Variants in BAALC observed in about 807,000 individuals in gnomAD.
The protein encoded by BAALC is brain and acute leukemia cytoplasmic protein.
BAALC carries 9 observed loss-of-function variants against 15.5 expected under a neutral mutation model. That is an observed-to-expected ratio of 0.58 (90% CI 0.35 to 1.02). BAALC has a LOEUF of 1.02. Among genes scored for constraint, BAALC ranks in the 50% least tolerant of loss-of-function variants. The pLI, the probability that BAALC is intolerant of heterozygous loss-of-function variation, is 0.02. For synonymous variants in BAALC, 80 were observed against 74.6 expected, an observed-to-expected ratio of 1.07 and a Z score of -0.37; for missense variants, 201 against 192.4, an observed-to-expected ratio of 1.04 and a Z score of -0.27.
intron 2 of BAALC, among the ~76,000 whole-genome samples, chr8:103,221,084 C>T (rs1438713087): frequency 1.3e-5 from 2 of 152,192 alleles, no homozygotes; most frequent in Admixed American, 6.5e-5. Context: ...GCTGTCCCAA[C>T]CTCCACAGGA....
chr8:103,178,903 A>G (rs371439602), intron 1 of BAALC, among the ~76,000 whole-genome samples: 2 of 152,038 alleles, frequency 1.3e-5, no homozygotes, highest in South Asian at 2.1e-4. Context: ...AAATAAATAA[A>G]TGGCTCAGAA....
intron 1 of BAALC, among the ~76,000 whole-genome samples, chr8:103,194,695 C>T (rs1316728767): frequency 6.6e-6 from 1 of 152,148 alleles, no homozygotes; most frequent in East Asian, 1.9e-4. Context: ...GCTGGAAAGT[C>T]CAAGACCAAG....
rs139347432 is a variant in BAALC at position 103,189,341 on chromosome 8, A to T, written c.161-23578A>T. ...GAGATCAAACTGTGCGAGAATTTTC[A>T]AACATTATTGTATTTTTCATGCTTT... On this transcript the variant is annotated intron_variant, in intron 1 of 2. Transcript: ENST00000309982. Among the ~76,000 whole-genome samples, 146 of 152,372 alleles carry T rather than the reference A, an allele frequency of 9.6e-4. No homozygotes were observed. The East Asian group carries it at 0.01, about 11-fold the overall frequency.
At chr8:103,221,213 T>G (rs1030223404) in intron 2 of BAALC, among the ~76,000 whole-genome samples, 14 of 152,182 alleles carry the variant, frequency 9.2e-5, no homozygotes, top group Non-Finnish European at 2.1e-4. Flanking sequence ...CTACTTTTAA[T>G]TAAAGAGGCA....
chr8:103,224,765 T>G (rs181807454), intron 2 of BAALC, among the ~76,000 whole-genome samples: 31 of 152,356 alleles, frequency 2.0e-4, no homozygotes, highest in Admixed American at 1.9e-3. Flanking sequence ...CAGGGCCATT[T>G]CAAAATATGG....
At position 103,177,161 on chromosome 8, in the gene BAALC, G is replaced by A. The variant is rs575329991; in HGVS notation, c.161-35758G>A. On this transcript the variant is annotated intron_variant, in intron 1 of 2. Transcript: ENST00000309982. ...TCCTTTTCTCACTCTTCCTGTGTGC[G>A]GGTTTTTTGTTGTTGTTGTTGTTGT... Among the ~76,000 whole-genome samples the A allele has an allele frequency of 4.8e-5, 7 of 147,002 alleles. No individual in the cohort carries two copies. The South Asian group carries it at 8.7e-4, about 18-fold the overall frequency.
intron 1 of BAALC, among the ~76,000 whole-genome samples, chr8:103,149,619 C>T (rs181274551): frequency 1.4e-4 from 21 of 152,194 alleles, no homozygotes; most frequent in African/African-American, 4.8e-4. Context: ...GGAAAAATTC[C>T]TCAAACTGCT....
chr8:103,172,391 C>CTTTTTTTTTTTT (rs36037103), intron 1 of BAALC, among the ~76,000 whole-genome samples: 1 of 100,126 alleles, frequency 1.0e-5, no homozygotes, highest in African/African-American at 3.7e-5. Context: ...TTCTGGCTTG[C>CTTTTTTTTTTTT]TTTTTTTTTT....
intron 2 of BAALC, among the ~76,000 whole-genome samples, chr8:103,219,050 C>A (rs1461221766): frequency 6.6e-6 from 1 of 152,156 alleles, no homozygotes; most frequent in African/African-American, 2.4e-5. Flanking sequence ...CTGGGAAAAC[C>A]AGAGAGGGGA....
chr8:103,165,098 A>C (rs756817375), intron 1 of BAALC, among the ~76,000 whole-genome samples: 1 of 152,208 alleles, frequency 6.6e-6, no homozygotes, highest in African/African-American at 2.4e-5. Flanking sequence ...GCATAGCTGC[A>C]TAATTGTGTG....
chr8:103,185,730 A>C (rs1176849776), intron 1 of BAALC, among the ~76,000 whole-genome samples: 1 of 152,210 alleles, frequency 6.6e-6, no homozygotes, highest in Admixed American at 6.5e-5. Flanking sequence ...TTTCCTCCCC[A>C]AAATGGTACC....
At chr8:103,157,932 C>G (rs1811134108) in intron 1 of BAALC, among the ~76,000 whole-genome samples, 1 of 152,094 alleles carries the variant, frequency 6.6e-6, no homozygotes, top group Middle Eastern at 3.2e-3. Context: ...AACCACAATA[C>G]CATTATCACA....
At chr8:103,189,251 C>T (rs1217620196) in intron 1 of BAALC, among the ~76,000 whole-genome samples, 2 of 152,170 alleles carry the variant, frequency 1.3e-5, no homozygotes, top group Non-Finnish European at 2.9e-5. Context: ...TATAGCTTCA[C>T]CTTAAATCTT....
At chr8:103,164,749 T>C (rs1182783649) in intron 1 of BAALC, among the ~76,000 whole-genome samples, 2 of 152,176 alleles carry the variant, frequency 1.3e-5, no homozygotes, top group African/African-American at 4.8e-5. Flanking sequence ...AAGCCACCCC[T>C]CTGCAAAGCC....
chr8:103,160,402 G>A (rs924141871), intron 1 of BAALC, among the ~76,000 whole-genome samples: 4 of 152,148 alleles, frequency 2.6e-5, no homozygotes, highest in Admixed American at 2.6e-4. Flanking sequence ...GATGTTTCCT[G>A]TTATAGCTGA....
At chr8:103,193,069 T>C (rs1289063472) in intron 1 of BAALC, among the ~76,000 whole-genome samples, 1 of 152,202 alleles carries the variant, frequency 6.6e-6, no homozygotes, top group Non-Finnish European at 1.5e-5. Flanking sequence ...TAGGGCTCTG[T>C]CCACTTCTAT....
intron 1 of BAALC, among the ~76,000 whole-genome samples, chr8:103,159,785 T>C (rs963993445): frequency 3.3e-5 from 5 of 152,126 alleles, no homozygotes; most frequent in Non-Finnish European, 5.9e-5. Context: ...GCTCATTCTT[T>C]TATTTTTCTG....
intron 1 of BAALC, among the ~76,000 whole-genome samples, chr8:103,144,997 TTTTCCC>T (rs1810850016): frequency 1.3e-5 from 2 of 152,194 alleles, no homozygotes; most frequent in African/African-American, 4.8e-5. Flanking sequence ...TGCAAGTAAC[TTTTCCC>T]AGTTCCAGCC....
chr8:103,140,975 C>T lies in BAALC; in HGVS notation c.78C>T (p.Thr26=). The change falls in exon 1 of 3, where the codon ACC becomes ACT. Residue 26 remains threonine (T), a synonymous_variant. Coordinates refer to ENST00000309982, the MANE Select transcript of BAALC (RefSeq NM_024812.3). This position sits in a 1 kb window ranked among gnomAD's most constrained non-coding sequence, Gnocchi z 4.2. ...YESWTRETES[T]WLTYTDSDAP... ...GCTGGACCCGGGAGACAGAATCCAC[C>T]TGGCTCACCTACACCGACTCGGACG... 6.5e-7 allele frequency: 1 copy of T among 1,540,364 alleles called. No homozygotes were observed. The highest frequency in any genetic ancestry group is 8.7e-7 in the Non-Finnish European group (1 of 1,144,554).
Sources: gnomAD v4.1 joint callset for allele counts (sites outside exome capture counted in the v4.1 genomes callset) on GRCh38, gnomAD v4.1.1 for gene constraint, Gnocchi (gnomAD v3.1) non-coding constraint, MANE v1.5 for transcripts, NCBI Gene and HGNC (gene_info 2026-07-23, HGNC 2026-07-21) for gene names.